Variants in PELP1 observed in about 807,000 individuals in gnomAD.
PELP1 encodes proline, glutamate and leucine rich protein 1, also known as proline-, glutamic acid- and leucine-rich protein 1.
A neutral mutation model predicts 95.5 loss-of-function variants in PELP1; 32 were observed. The ratio of observed to expected loss-of-function variants is 0.34; its 90% CI spans 0.25 to 0.45. The LOEUF is 0.45. PELP1 is among the 20% of genes least tolerant of loss of function. PELP1 has a pLI of 1.00. For synonymous variants in PELP1, 668 were observed against 600.1 expected (o/e 1.11, Z -1.65); for missense variants, 1,358 against 1,444.8 (o/e 0.94, Z 0.97).
chr17:4,692,148 G>C (rs1423331755), intron 1 of PELP1, among the ~76,000 whole-genome samples: 1 of 152,150 alleles, frequency 6.6e-6, no homozygotes, highest in African/African-American at 2.4e-5. Flanking sequence ...TTTTGTGGAG[G>C]GAAATATTTA....
Position 4,675,377 on chromosome 17 carries a change from G to A in PELP1, c.1069-15C>T, listed in dbSNP as rs1912420138. On this transcript the variant is annotated splice_polypyrimidine_tract_variant and intron_variant, in intron 9 of 16. Transcript: ENST00000572293. The surrounding 1 kb of genome is among the most constrained non-coding windows in gnomAD (Gnocchi z 4.3). ...CCATGCAAGCTCTGGAGAAAAAAGG[G>A]GCAGAGATAAAGAGTGGAGGAAGAA... The A allele has an allele frequency of 2.8e-6, 4 of 1,445,790 alleles. No individual in the cohort carries two copies. In the South Asian group the frequency reaches 4.9e-5, roughly 18 times the overall value. 89.6% of individuals were successfully genotyped at this position (1,445,790 alleles called of 1,614,324 possible).
At chr17:4,698,897 T>C (rs1913410862) in intron 1 of PELP1, among the ~76,000 whole-genome samples, 1 of 152,144 alleles carries the variant, frequency 6.6e-6, no homozygotes, top group African/African-American at 2.4e-5. Context: ...AAATACACAC[T>C]AAAATATGTC....
Position 4,671,221 on chromosome 17 carries a change from A to G in PELP1, c.*218T>C. The stretch of plus-strand genomic sequence containing the variant: ...AATTCTGACACCATCGTGCTGAGTG[A>G]TGGGACAGTCCATTACACCAATGTC... On this transcript the variant is annotated 3_prime_UTR_variant, in exon 17 of 17. Transcript: ENST00000572293. The G allele has an allele frequency of 1.7e-6, 1 of 582,332 alleles. No homozygotes were observed. The highest frequency in any genetic ancestry group is 3.1e-6 in the Non-Finnish European group (1 of 327,486). 36.1% of individuals were successfully genotyped at this position (582,332 alleles called of 1,614,324 possible). A position where few individuals can be genotyped will look rare whatever the true frequency, so the allele number is the denominator to read the frequency against.
chr17:4,674,294 G>C (rs868102823), intron 13 of PELP1, among the ~76,000 whole-genome samples: 2 of 152,244 alleles, frequency 1.3e-5, no homozygotes, highest in Non-Finnish European at 2.9e-5. Context: ...CCTCCTCCTG[G>C]CCTCTCTGCG....
intron 5 of PELP1, among the ~76,000 whole-genome samples, chr17:4,677,953 T>C (rs1240122087): frequency 2.0e-5 from 3 of 150,546 alleles, no homozygotes; most frequent in African/African-American, 7.3e-5. Context: ...CGGTGGCTCA[T>C]ACCTGTAATC....
Position 4,704,075 on chromosome 17 carries a change from A to G in PELP1, c.37T>C (p.Ser13Pro). 5.6e-6 allele frequency: 9 copies of G among 1,611,372 alleles called. No homozygotes were observed. The highest frequency in any genetic ancestry group is 1.1e-5 in the South Asian group (1 of 90,996). ...GTCCCGCCAGGAACCCCAGCCGCGG[A>G]GCCCGCAGAGGGCCCACTCAGAACG... ...AAVLSGPSAG[S>P]AAGVPGGTGG... The change falls in exon 1 of 17, where the codon TCC becomes CCC. Residue 13 changes from serine (S) to proline (P), a missense_variant. By Grantham distance (74) the Ser-to-Pro change is moderately conservative. Transcript: ENST00000572293.
chr17:4,687,263 C>T (rs771553920), intron 3 of PELP1, among the ~76,000 whole-genome samples: 1 of 152,118 alleles, frequency 6.6e-6, no homozygotes, highest in African/African-American at 2.4e-5. Context: ...AAAGTATCTT[C>T]GCTGGGTGTG....
intron 1 of PELP1, among the ~76,000 whole-genome samples, chr17:4,692,736 G>C (rs372064265): frequency 6.6e-6 from 1 of 152,146 alleles, no homozygotes; most frequent in African/African-American, 2.4e-5. Flanking sequence ...TAGGCCGGGC[G>C]TGGTAGCTCA....
In PELP1 at chr17:4,671,895, G is replaced by A. The variant is rs1374923107; in HGVS notation, c.3096C>T (p.Pro1032=). The change falls in exon 16 of 17, where the codon CCC becomes CCT. Residue 1032 remains proline (P), a synonymous_variant. Coordinates refer to ENST00000572293, the MANE Select transcript of PELP1 (RefSeq NM_014389.3). ...CTTCCCTCTCCACCTCTCCCTGGGA[G>A]GGGAGCGCTTCAGGGGCCAGGGTGG... ...TAPTLAPEAL[P]SQGEVEREGE... The A allele has an allele frequency of 1.3e-6, 2 of 1,513,786 alleles. No individual in the cohort carries two copies. The highest frequency in any genetic ancestry group is 1.8e-4 in the Middle Eastern group (1 of 5,588). 93.8% of individuals were successfully genotyped at this position (1,513,786 alleles called of 1,614,324 possible). A position where few individuals can be genotyped will look rare whatever the true frequency, so the allele number is the denominator to read the frequency against.
At chr17:4,696,708 C>T (rs910981350) in intron 1 of PELP1, 1 of 152,012 alleles carries the variant, frequency 6.6e-6, no homozygotes, top group African/African-American at 2.4e-5. Context: ...GATGATGCAG[C>T]TTGAAGAATG....
chr17:4,692,444 G>T (rs532842797), intron 1 of PELP1, among the ~76,000 whole-genome samples: 1 of 145,304 alleles, frequency 6.9e-6, no homozygotes, highest in African/African-American at 2.6e-5. Context: ...TCCAGCCTGG[G>T]CAACAGAGCG....
At chr17:4,678,273 G>A (rs901666983) in intron 5 of PELP1, among the ~76,000 whole-genome samples, 4 of 152,116 alleles carry the variant, frequency 2.6e-5, no homozygotes, top group South Asian at 2.1e-4. Context: ...CAAGAATCTG[G>A]AGCCAACACT....
At chr17:4,696,552 G>C (rs1412804730) in intron 1 of PELP1, 1 of 152,198 alleles carries the variant, frequency 6.6e-6, no homozygotes, top group Non-Finnish European at 1.5e-5. Context: ...GGGGGAGAGA[G>C]AAATTGCGCA....
At chr17:4,692,133 C>G (rs1215358186) in intron 1 of PELP1, among the ~76,000 whole-genome samples, 2 of 152,212 alleles carry the variant, frequency 1.3e-5, no homozygotes, top group Admixed American at 1.3e-4. Flanking sequence ...AATAAGGTCT[C>G]TCCCTTTTGT....
In PELP1 at chr17:4,670,326, A is replaced by G. The variant is rs1912147317; in HGVS notation, c.*1113T>C. On this transcript the variant is annotated 3_prime_UTR_variant, in exon 17 of 17. Transcript: ENST00000572293. The stretch of plus-strand genomic sequence containing the variant: ...GAGCAAAAAAAACCACGGGGCCCCT[A>G]GTTCAAGCCCACCAATCTTGGTACC... 1 of 152,180 alleles carries G rather than the reference A, an allele frequency of 6.6e-6. No individual in the cohort carries two copies. Among genetic ancestry groups the G allele is most frequent in the African/African-American group, 2.4e-5 (1 of 41,434 alleles). 9.4% of individuals were successfully genotyped at this position (152,180 alleles called of 1,614,324 possible). A position where few individuals can be genotyped will look rare whatever the true frequency, so the allele number is the denominator to read the frequency against.
intron 1 of PELP1, among the ~76,000 whole-genome samples, chr17:4,700,928 C>CAAAAAAAAAAAA (rs61195131): frequency 9.7e-6 from 1 of 102,664 alleles, no homozygotes; most frequent in Non-Finnish European, 1.8e-5. Context: ...GGCCCTATCT[C>CAAAAAAAAAAAA]AAAAAAAAAA....
At chr17:4,694,659 CA>C (rs71147080) in intron 1 of PELP1, among the ~76,000 whole-genome samples, 145,052 of 148,366 alleles carry the variant, frequency 0.98, 70,985 homozygotes, top group Middle Eastern at 1. Flanking sequence ...GACTCCACCT[CA>C]AAAAAAATAA....
In PELP1 at chr17:4,675,667, G is replaced by A. The variant is rs751430763; in HGVS notation, c.1068+130C>T. The A allele has an allele frequency of 2.8e-5, 21 of 745,026 alleles. 1 individual carries two copies. The South Asian group carries it at 3.1e-4, about 11-fold the overall frequency. 46.2% of individuals were successfully genotyped at this position (745,026 alleles called of 1,614,324 possible). On this transcript the variant is annotated intron_variant, in intron 9 of 16. Transcript: ENST00000572293. The surrounding 1 kb of genome is among the most constrained non-coding windows in gnomAD (Gnocchi z 4.3). Reference sequence around the variant, plus strand: ...CGACACATAGGAAGTGATGTTATTTGGACAAAAGTAGGAAGCTCTCTGGGA... The same window carrying A: ...CGACACATAGGAAGTGATGTTATTTAGACAAAAGTAGGAAGCTCTCTGGGA...
chr17:4,698,271 T>C (rs574999512), intron 1 of PELP1, among the ~76,000 whole-genome samples: 4 of 152,230 alleles, frequency 2.6e-5, no homozygotes, highest in Admixed American at 2.6e-4. Context: ...AACTATTCTG[T>C]ACTCTTTAAA....
Sources: gnomAD v4.1 joint callset for allele counts (sites outside exome capture counted in the v4.1 genomes callset) on GRCh38, gnomAD v4.1.1 for gene constraint, Gnocchi (gnomAD v3.1) non-coding constraint, MANE v1.5 for transcripts, NCBI Gene and HGNC (gene_info 2026-07-23, HGNC 2026-07-21) for gene names.